Variants in FAT2 observed in about 807,000 individuals in gnomAD.
FAT2 encodes FAT atypical cadherin 2, also known as protocadherin Fat 2.
Under a neutral mutation model 295.3 loss-of-function variants are expected in FAT2, and 150 were observed. The observed-to-expected ratio is 0.51, with a 90% CI of 0.44 to 0.58. The LOEUF (loss-of-function observed/expected upper bound fraction) is 0.58. Among genes scored for constraint, FAT2 ranks in the 20% least tolerant of loss-of-function variants. The pLI is 0.00. For synonymous variants in FAT2, 2,026 were observed against 2,150.3 expected (o/e 0.94, Z 1.60); for missense variants, 4,868 against 5,442.7 (o/e 0.89, Z 3.32).
In FAT2 at chr5:151,505,726, C is replaced by T. The variant is rs1008296478; in HGVS notation, c.12889G>A (p.Gly4297Arg). ...GCTCGGCTGAGGCGCATACCCACCC[C>T]CTTGTAGCCCCCGTCTGCCAGGCAG... ...GPCLADGGYK[G>R]VGMRLSRAGP... The change falls in exon 24 of 24, where the codon GGG (glycine) becomes AGG (arginine). Residue 4297 changes from glycine (G) to arginine (R), a missense_variant. Gly to Arg is a moderately radical substitution (Grantham distance 125). Transcript: ENST00000261800. The T allele has an allele frequency of 6.2e-7, 1 of 1,613,958 alleles. No individual in the cohort carries two copies. The highest frequency in any genetic ancestry group is 1.3e-5 in the African/African-American group (1 of 75,056).
At position 151,506,227 on chromosome 5, in the gene FAT2, G is replaced by T. The variant is rs165339; in HGVS notation, c.12518-130C>A. ...GGGTGGGCATAGGCCCATCTGTGCA[G>T]GTTGTCTCTGTTGGCTTACGTTGAT... On this transcript the variant is annotated intron_variant, in intron 23 of 23. Coordinates refer to ENST00000261800, the MANE Select transcript of FAT2 (RefSeq NM_001447.3). The T allele has an allele frequency of 0.18, 168,820 of 947,608 alleles. 16,600 individuals are homozygous for T. Among genetic ancestry groups the T allele is most frequent in the Non-Finnish European group, 0.2 (139,643 of 683,512 alleles). The allele number at this position is 947,608 out of a possible 1,614,324, so 58.7% of individuals were successfully genotyped here. A position where few individuals can be genotyped will look rare whatever the true frequency, so the allele number is the denominator to read the frequency against.
Position 151,531,647 on chromosome 5 carries a change from T to C in FAT2, c.9751A>G (p.Thr3251Ala), listed in dbSNP as rs1294466075. ...TTCCCGCTGACCACGCGGTAGCCGG[T>C]CTTCTCTGCGCCCGGGCGAGTGAGG... ...ATLTRPGAEKTGYRVVSGNEQ... is the reference protein window; with the variant it reads ...ATLTRPGAEKAGYRVVSGNEQ... The change falls in exon 14 of 24, where the codon ACC becomes GCC. Residue 3251 changes from threonine to alanine, a missense_variant. Coordinates refer to ENST00000261800, the MANE Select transcript of FAT2 (RefSeq NM_001447.3). The surrounding 1 kb of genome is among the most constrained non-coding windows in gnomAD (Gnocchi z 5.7). 2 of 1,613,492 alleles carry C rather than the reference T, an allele frequency of 1.2e-6. No individual in the cohort carries two copies. The highest frequency in any genetic ancestry group is 1.7e-6 in the Non-Finnish European group (2 of 1,179,902).
chr5:151,553,049 G>T, intron 6 of FAT2, 128 bp downstream of exon 6: 2 of 844,538 alleles, frequency 2.4e-6, no homozygotes, highest in Non-Finnish European at 1.9e-6. Flanking sequence ...TCCCCACTCC[G>T]GGCTGAAAGA....
chr5:151,517,818 C>A, intron 19 of FAT2, 53 bp from the exon 20 acceptor site: 1 of 1,598,138 alleles, frequency 6.3e-7, no homozygotes, highest in East Asian at 2.2e-5. Context: ...CCCATTGAGC[C>A]CTTGGACTGA....
chr5:151,530,267 C>G (rs1371564666), intron 14 of FAT2, among the ~76,000 whole-genome samples: 4 of 148,568 alleles, frequency 2.7e-5, no homozygotes, highest in Non-Finnish European at 3.0e-5. Flanking sequence ...AAAAAAAAAG[C>G]CAGTTAGCTC....
intron 5 of FAT2, among the ~76,000 whole-genome samples, 158 bp from the exon 6 acceptor site, chr5:151,553,545 C>G (rs1031673935): frequency 1.3e-5 from 2 of 152,244 alleles, no homozygotes; most frequent in Non-Finnish European, 2.9e-5. Flanking sequence ...TTGCTGTAAA[C>G]AGGCACCCTG....
intron 8 of FAT2, among the ~76,000 whole-genome samples, chr5:151,550,124 G>A (rs1375618211): frequency 6.6e-6 from 1 of 152,172 alleles, no homozygotes; most frequent in Non-Finnish European, 1.5e-5. Flanking sequence ...GAGGCAAGTA[G>A]GGTGCAAAAT....
chr5:151,513,619 G>A (rs369586245), intron 20 of FAT2, among the ~76,000 whole-genome samples: 1,592 of 72,240 alleles, frequency 0.022, 29 homozygotes, highest in African/African-American at 0.061. Context: ...AGAAGGTTAA[G>A]GACAAAAAAC....
At position 151,525,968 on chromosome 5, in the gene FAT2, G is replaced by A. The variant is rs202149437; in HGVS notation, c.10309-3C>T. 2.5e-6 allele frequency: 4 copies of A among 1,613,824 alleles called. No homozygotes were observed. The highest frequency in any genetic ancestry group is 4.5e-5 in the East Asian group (2 of 44,868). ...TTGCTGCCAATGGGGGAGTTCTCCT[G>A]AGACCGAGAGTGACAAAGAAGGCAA... On this transcript the variant is annotated splice_region_variant and splice_polypyrimidine_tract_variant and intron_variant, in intron 17 of 23. Transcript: ENST00000261800.
At position 151,510,365 on chromosome 5, in the gene FAT2, A is replaced by G. The variant is rs78228602; in HGVS notation, c.11906-191T>C. ...CAAGAGCACTTTGGTCCCTGCCCTC[A>G]AACAGCTTACAGCCCACCAGAGACA... On this transcript the variant is annotated intron_variant, in intron 21 of 23. Coordinates refer to ENST00000261800, the MANE Select transcript of FAT2 (RefSeq NM_001447.3). 395 of 586,514 alleles carry G rather than the reference A, an allele frequency of 6.7e-4. 3 individuals carry two copies. The highest frequency in any genetic ancestry group is 6.7e-3 in the African/African-American group (360 of 53,736). The allele number at this position is 586,514 out of a possible 1,614,324, so 36.3% of individuals were successfully genotyped here. A position where few individuals can be genotyped will look rare whatever the true frequency, so the allele number is the denominator to read the frequency against.
At chr5:151,530,471 C>A (rs932524282) in intron 14 of FAT2, among the ~76,000 whole-genome samples, 1 of 152,156 alleles carries the variant, frequency 6.6e-6, no homozygotes, top group Non-Finnish European at 1.5e-5. Context: ...TTCTATTAGA[C>A]ACATGACTCA....
In FAT2 at chr5:151,505,815, C is replaced by T. The variant is rs771437559; in HGVS notation, c.12800G>A (p.Cys4267Tyr). ...GCTGATGGCCGTGTACTCATTGAGA[C>T]AGGGGGCAACCAGGCGCTCCCGGGG... ...PSPRERLVAPCLNEYTAISYY... is the reference protein window; with the variant it reads ...PSPRERLVAPYLNEYTAISYY... Residue 4267 changes from cysteine (C) to tyrosine (Y), a missense_variant, in exon 24 of 24, where the codon TGT becomes TAT. This residue lies in a region of FAT2 where 492 missense variants were observed against 482.6 expected (regional missense o/e 1.02). Coordinates refer to ENST00000261800, the MANE Select transcript of FAT2 (RefSeq NM_001447.3). 1 of 1,613,660 alleles carries T rather than the reference C, an allele frequency of 6.2e-7. No individual in the cohort carries two copies. Among genetic ancestry groups the T allele is most frequent in the South Asian group, 1.1e-5 (1 of 91,028 alleles).
intron 2 of FAT2, among the ~76,000 whole-genome samples, chr5:151,564,274 T>C (rs1581445623): frequency 6.6e-6 from 1 of 152,202 alleles, no homozygotes; most frequent in Non-Finnish European, 1.5e-5. Flanking sequence ...TGAGAGGGCG[T>C]GGCCCATGCT....
chr5:151,542,681 C>T lies in FAT2; in HGVS notation c.8446G>A (p.Val2816Ile). ...LTENMPVGTS[V>I]IQVTAIDKDT... is the part of the protein sequence containing the mutation. The stretch of plus-strand genomic sequence containing the variant: ...TTGTCAATGGCAGTCACTTGAATGA[C>T]TGAGGTCCCCACTGGCATATTCTCA... Residue 2816 changes from valine (V) to isoleucine (I), a missense_variant, in exon 10 of 24, where the codon GTC becomes ATC. Physicochemically the swap from Val to Ile is conservative, Grantham distance 29. Transcript: ENST00000261800. 6.2e-7 allele frequency: 1 copy of T among 1,614,236 alleles called. No homozygotes were observed. Among genetic ancestry groups the T allele is most frequent in the Non-Finnish European group, 8.5e-7 (1 of 1,180,038 alleles).
At chr5:151,589,910 A>G (rs181183323) in intron 1 of FAT2, among the ~76,000 whole-genome samples, 3 of 152,264 alleles carry the variant, frequency 2.0e-5, no homozygotes, top group African/African-American at 4.8e-5. Context: ...ATAAATATTT[A>G]ATAAAGGGAG....
intron 21 of FAT2, chr5:151,511,161 T>A (rs1438227080): frequency 6.6e-6 from 1 of 152,106 alleles, no homozygotes; most frequent in Non-Finnish European, 1.5e-5. Flanking sequence ...GGGACAGCAA[T>A]GGGGAAAGAG....
intron 11 of FAT2, among the ~76,000 whole-genome samples, chr5:151,540,364 T>C (rs571363660): frequency 6.6e-6 from 1 of 151,760 alleles, no homozygotes; most frequent in Non-Finnish European, 1.5e-5. Context: ...CCCCTCACTC[T>C]CTGTTCTCCT....
Position 151,507,544 on chromosome 5 carries a change from C to T in FAT2, c.12127G>A (p.Asp4043Asn), listed in dbSNP as rs775632768. 2.5e-6 allele frequency: 4 copies of T among 1,613,912 alleles called. No homozygotes were observed. The highest frequency in any genetic ancestry group is 2.7e-5 in the African/African-American group (2 of 74,888). ...ATCAGTAACTCCTGCTGCCCCCAGT[C>T]CCCCCTTTGGATCTCGGGAGTGACT... ...CLVTPEIQRG[D>N]WGQQELLIIT... is the part of the protein sequence containing the mutation. Residue 4043 changes from aspartate (D) to asparagine (N), a missense_variant, in exon 23 of 24, where the codon GAC becomes AAC. Coordinates refer to ENST00000261800, the MANE Select transcript of FAT2 (RefSeq NM_001447.3).
chr5:151,517,870 C>T (rs1248906829), intron 19 of FAT2, 105 bp from the exon 20 acceptor site: 28 of 1,388,612 alleles, frequency 2.0e-5, no homozygotes, highest in Non-Finnish European at 2.7e-5. Context: ...AGAATCATTG[C>T]TCATATTTTA....
Sources: allele counts gnomAD v4.1 joint callset (sites outside exome capture counted in the v4.1 genomes callset), GRCh38; gene constraint gnomAD v4.1.1; regional missense constraint gnomAD v4.1.1; non-coding constraint Gnocchi (gnomAD v3.1); transcripts MANE v1.5; gene names NCBI Gene and HGNC (gene_info 2026-07-23, HGNC 2026-07-21).